Variants in PGPEP1L observed in about 807,000 individuals in gnomAD.
The protein encoded by PGPEP1L is pyroglutamyl-peptidase I like.
Under a neutral mutation model 6.0 loss-of-function variants are expected in PGPEP1L, and 7 were observed. The observed-to-expected ratio is 1.17, with a 90% CI of 0.66 to 2.19. The LOEUF (loss-of-function observed/expected upper bound fraction) is 2.19. PGPEP1L is among the 30% of genes most tolerant of loss of function. The pLI is 0.00. For synonymous variants in PGPEP1L, 103 were observed against 83.9 expected, an observed-to-expected ratio of 1.23 and a Z score of -1.24; for missense variants, 209 against 192.5, an observed-to-expected ratio of 1.09 and a Z score of -0.51.
At chr15:98,974,240 C>G (rs1244797913) in intron 2 of PGPEP1L, among the ~76,000 whole-genome samples, 1 of 151,908 alleles carries the variant, frequency 6.6e-6, no homozygotes, top group Non-Finnish European at 1.5e-5. Flanking sequence ...TTAGCTAGGC[C>G]TGCTGGCGCA....
chr15:98,985,500 T>C (rs2017734894), intron 2 of PGPEP1L, among the ~76,000 whole-genome samples: 1 of 152,212 alleles, frequency 6.6e-6, no homozygotes, highest in South Asian at 2.1e-4. Context: ...ATGGTGCCAC[T>C]GCACTCCAGC....
intron 1 of PGPEP1L, among the ~76,000 whole-genome samples, chr15:99,006,822 T>A (rs1464327018): frequency 2.6e-5 from 4 of 152,144 alleles, no homozygotes; most frequent in African/African-American, 9.7e-5. Flanking sequence ...AACTTTTTTT[T>A]AAACTGAAAA....
In PGPEP1L at chr15:98,968,255, G is replaced by A. The variant is rs2017431648; in HGVS notation, c.*223C>T. 1 of 573,176 alleles carries A rather than the reference G, an allele frequency of 1.7e-6. No homozygotes were observed. The highest frequency in any genetic ancestry group is 3.0e-5 in the Admixed American group (1 of 32,954). 35.5% of individuals were successfully genotyped at this position (573,176 alleles called of 1,614,324 possible). Reference sequence around the variant, plus strand: ...GACTCGGATTTCATTTTATTGTCATGAAAACCATAACTGAAGCTAGTTCAT... The same window carrying A: ...GACTCGGATTTCATTTTATTGTCATAAAAACCATAACTGAAGCTAGTTCAT... On this transcript the variant is annotated 3_prime_UTR_variant, in exon 5 of 5. Coordinates refer to ENST00000535714, the MANE Select transcript of PGPEP1L (RefSeq NM_001167902.2).
chr15:98,968,430 C>T lies in PGPEP1L; in HGVS notation c.*48G>A, dbSNP rs2017434373. ...TTTCTCAATGCACAGTTGAGTGCTA[C>T]ATACAGGATTGAAACATTCAATTTT... On this transcript the variant is annotated 3_prime_UTR_variant, in exon 5 of 5. Transcript: ENST00000535714. 1.9e-6 allele frequency: 3 copies of T among 1,561,780 alleles called. No homozygotes were observed. The highest frequency in any genetic ancestry group is 1.3e-5 in the African/African-American group (1 of 74,088).
At chr15:98,996,695 A>T (rs1446470176) in intron 2 of PGPEP1L, among the ~76,000 whole-genome samples, 3 of 151,996 alleles carry the variant, frequency 2.0e-5, no homozygotes, top group Admixed American at 6.6e-5. Flanking sequence ...CCATGTGTGC[A>T]CGCGTGGGTA....
intron 2 of PGPEP1L, among the ~76,000 whole-genome samples, chr15:99,000,185 G>A (rs1160587196): frequency 6.6e-6 from 1 of 152,246 alleles, no homozygotes; most frequent in Non-Finnish European, 1.5e-5. Context: ...GAGGGGCTTA[G>A]CATCTGGGCC....
chr15:98,982,633 G>T (rs967891963), intron 2 of PGPEP1L, among the ~76,000 whole-genome samples: 1 of 150,882 alleles, frequency 6.6e-6, no homozygotes, highest in Non-Finnish European at 1.5e-5. Context: ...CATAGGTGAG[G>T]TCTGTGTAAA....
chr15:98,971,857 A>AAAAATAATTACT (rs2017502043), intron 2 of PGPEP1L, among the ~76,000 whole-genome samples: 1 of 152,268 alleles, frequency 6.6e-6, no homozygotes, highest in African/African-American at 2.4e-5. Flanking sequence ...AGAGATAGGC[A>AAAAATAATTACT]ACATAAAAAG....
chr15:99,001,437 G>A (rs1213558991), intron 2 of PGPEP1L, among the ~76,000 whole-genome samples: 1 of 152,168 alleles, frequency 6.6e-6, no homozygotes, highest in African/African-American at 2.4e-5. Flanking sequence ...AAGCTAAGGG[G>A]TGTGGGGTTT....
chr15:98,975,572 C>T (rs2017556323), intron 2 of PGPEP1L, among the ~76,000 whole-genome samples: 1 of 152,168 alleles, frequency 6.6e-6, no homozygotes, highest in African/African-American at 2.4e-5. Context: ...CTAAATATCA[C>T]TTGTACCCCA....
intron 2 of PGPEP1L, among the ~76,000 whole-genome samples, chr15:98,991,217 G>C (rs797028866): frequency 3.3e-5 from 5 of 151,962 alleles, no homozygotes; most frequent in African/African-American, 1.2e-4. Flanking sequence ...ATGCTAGCCA[G>C]ACTAATAAAG....
chr15:98,982,188 T>C (rs1170606833), intron 2 of PGPEP1L, among the ~76,000 whole-genome samples: 1 of 152,218 alleles, frequency 6.6e-6, no homozygotes, highest in Non-Finnish European at 1.5e-5. Flanking sequence ...ACACCCTCCA[T>C]GCATGTGGAC....
rs140411663 is a variant in PGPEP1L, at chr15:98,994,659, G to A, written c.-142+10770C>T. ...TAATGCTAGTTTAGATTTTGCCTGC[G>A]GGCTCACTACCCCTCCTTGCATTTC... On this transcript the variant is annotated intron_variant, in intron 2 of 4. Transcript: ENST00000535714. Among the ~76,000 whole-genome samples, 106 of 152,094 alleles carry A rather than the reference G, an allele frequency of 7.0e-4. 1 individual carries two copies. The highest frequency in any genetic ancestry group is 3.5e-3 in the East Asian group (18 of 5,184).
chr15:98,995,592 A>C (rs2017876717), intron 2 of PGPEP1L, among the ~76,000 whole-genome samples: 1 of 152,148 alleles, frequency 6.6e-6, no homozygotes, highest in Non-Finnish European at 1.5e-5. Context: ...GCTACTTGGG[A>C]GACTGAGGCA....
At chr15:98,987,577 C>T (rs2017765409) in intron 2 of PGPEP1L, among the ~76,000 whole-genome samples, 1 of 152,120 alleles carries the variant, frequency 6.6e-6, no homozygotes, top group African/African-American at 2.4e-5. Flanking sequence ...CCTTTACCCA[C>T]CTTGTTCTAT....
intron 2 of PGPEP1L, among the ~76,000 whole-genome samples, chr15:98,980,694 G>A (rs1007436606): frequency 6.6e-6 from 1 of 152,194 alleles, no homozygotes; most frequent in Non-Finnish European, 1.5e-5. Context: ...CACTTTGGGA[G>A]GCCGAGGTGG....
chr15:98,995,629 G>C (rs148161927), intron 2 of PGPEP1L, among the ~76,000 whole-genome samples: 1 of 152,202 alleles, frequency 6.6e-6, no homozygotes, highest in Admixed American at 6.5e-5. Context: ...CTGGGAGGCA[G>C]AGGTTGCAGT....
At chr15:98,973,025 T>C (rs1393546815) in intron 2 of PGPEP1L, among the ~76,000 whole-genome samples, 1 of 151,454 alleles carries the variant, frequency 6.6e-6, no homozygotes, top group Non-Finnish European at 1.5e-5. Context: ...AGATATTCCA[T>C]GCAAACAGAA....
At chr15:98,985,272 C>T (rs754003238) in intron 2 of PGPEP1L, among the ~76,000 whole-genome samples, 1 of 152,218 alleles carries the variant, frequency 6.6e-6, no homozygotes, top group Non-Finnish European at 1.5e-5. Flanking sequence ...GGCACAGTGG[C>T]TCACACCTGT....
Sources: gnomAD v4.1 joint callset for allele counts (sites outside exome capture counted in the v4.1 genomes callset) on GRCh38, gnomAD v4.1.1 for gene constraint, MANE v1.5 for transcripts, NCBI Gene and HGNC (gene_info 2026-07-23, HGNC 2026-07-21) for gene names.